Variants in HSD11B1L observed in about 807,000 individuals in gnomAD.
HSD11B1L encodes hydroxysteroid 11-beta-dehydrogenase 1-like protein.
A neutral mutation model predicts 27.0 loss-of-function variants in HSD11B1L; 22 were observed. The ratio of observed to expected loss-of-function variants is 0.81; its 90% CI spans 0.58 to 1.16. The LOEUF (loss-of-function observed/expected upper bound fraction) is 1.16, where lower values mean the gene tolerates loss of function less well. Among genes scored for constraint, HSD11B1L ranks in the 50% most tolerant of loss-of-function variants. The pLI, the probability that HSD11B1L is intolerant of heterozygous loss-of-function variation, is 0.00. For synonymous variants in HSD11B1L, 187 were observed against 189.2 expected, an observed-to-expected ratio of 0.99 and a Z score of 0.09; for missense variants, 372 against 401.8, an observed-to-expected ratio of 0.93 and a Z score of 0.63.
At position 5,686,966 on chromosome 19, in the gene HSD11B1L, C is replaced by A. The variant is rs1255661839; in HGVS notation, c.383C>A (p.Pro128His). 1 of 1,551,042 alleles carries A rather than the reference C, an allele frequency of 6.4e-7. No homozygotes were observed. Among genetic ancestry groups the A allele is most frequent in the Admixed American group, 1.9e-5 (1 of 51,474 alleles). The change falls in exon 5 of 8, where the codon CCC becomes CAC. Residue 128 changes from proline (P) to histidine (H), a missense_variant. By Grantham distance (77) the Pro-to-His change is moderately conservative. Transcript: ENST00000339423. ...GAPAGTRARSPQATRWLMQVN... is the reference protein window; with the variant it reads ...GAPAGTRARSHQATRWLMQVN... ...CCGGCCGGCACGCGAGCCCGCAGCC[C>A]CCAGGCAACTCGCTGGCTCATGCAG...
At chr19:5,682,846 CT>C (rs1228975413) in intron 1 of HSD11B1L, among the ~76,000 whole-genome samples, 2 of 123,388 alleles carry the variant, frequency 1.6e-5, no homozygotes, top group Non-Finnish European at 3.2e-5. Flanking sequence ...TAGACAGAGT[CT>C]CACTCTGTTG....
At chr19:5,682,810 C>CTTTTTT (rs5826895) in intron 1 of HSD11B1L, among the ~76,000 whole-genome samples, 1 of 95,380 alleles carries the variant, frequency 1.0e-5, no homozygotes, top group African/African-American at 4.4e-5. Context: ...GTCCCATTGA[C>CTTTTTT]TTTTTTTTTT....
At position 5,684,803 on chromosome 19, in the gene HSD11B1L, CCCTGT is replaced by C; in HGVS notation, c.-14-13_-14-9del. The C allele has an allele frequency of 6.2e-7, 1 of 1,613,452 alleles. No individual in the cohort carries two copies. Among genetic ancestry groups the C allele is most frequent in the Non-Finnish European group, 8.5e-7 (1 of 1,179,934 alleles). The stretch of plus-strand genomic sequence containing the variant: ...CAGGCCTGTGCCGGCCACCTCTGTC[CCCTGT>C]CCCTCTGCAGGCCCACACAGGACCA... On this transcript the variant is annotated splice_polypyrimidine_tract_variant and intron_variant, in intron 1 of 7. Transcript: ENST00000339423.
intron 3 of HSD11B1L, 120 bp from the exon 4 acceptor site, chr19:5,686,296 C>T: frequency 2.9e-6 from 2 of 688,546 alleles, no homozygotes; most frequent in East Asian, 2.8e-5. Flanking sequence ...TTGAATGGGT[C>T]CCGAGGCTCA....
At position 5,685,006 on chromosome 19, in the gene HSD11B1L, C is replaced by A. The variant is rs770811587; in HGVS notation, c.91C>A (p.Arg31=). ...ATGGCCAGCCAGCCTCCAGGGAGCG[C>A]GAGTGCTGCTGACAGGGGCCAACGC... ...NFDPASLQGA[R]VLLTGANAGV... is the part of the protein sequence containing the mutation. Residue 31 remains arginine, a synonymous_variant, in exon 3 of 8, where the codon CGA becomes AGA. Coordinates refer to ENST00000339423, the MANE Select transcript of HSD11B1L (RefSeq NM_198706.3). This position sits in a 1 kb window ranked among gnomAD's most constrained non-coding sequence, Gnocchi z 4.3. 1.9e-6 allele frequency: 3 copies of A among 1,599,162 alleles called. No individual in the cohort carries two copies. In the Admixed American group the frequency reaches 5.3e-5, roughly 28 times the overall value.
intron 1 of HSD11B1L, 145 bp from the exon 2 acceptor site, chr19:5,684,674 A>T: frequency 7.5e-7 from 1 of 1,339,960 alleles, no homozygotes; most frequent in Non-Finnish European, 1.0e-6. Context: ...TCATGGAGCC[A>T]CCGTGGTGGC....
intron 1 of HSD11B1L, chr19:5,683,909 TAAAAATAA>T (rs2054619555): frequency 3.3e-6 from 1 of 299,224 alleles, no homozygotes; most frequent in African/African-American, 2.2e-5. Flanking sequence ...TAAAAAAAAA[TAAAAATAA>T]AAAAATAAAT....
Position 5,685,238 on chromosome 19 carries a change from CCT to C in HSD11B1L, c.204+124_204+125del, listed in dbSNP as rs1163898573. ...GTGTGACCTTGGGCAAGTCGCCTAA[CCT>C]CTCTGAGCCTCTCAGTTTCCTCATT... On this transcript the variant is annotated intron_variant, in intron 3 of 7. Coordinates refer to ENST00000339423, the MANE Select transcript of HSD11B1L (RefSeq NM_198706.3). This position sits in a 1 kb window ranked among gnomAD's most constrained non-coding sequence, Gnocchi z 4.3. 15 of 1,260,740 alleles carry C rather than the reference CCT, an allele frequency of 1.2e-5. No homozygotes were observed. The highest frequency in any genetic ancestry group is 1.7e-5 in the Non-Finnish European group (15 of 896,300). The allele number at this position is 1,260,740 out of a possible 1,614,324, so 78.1% of individuals were successfully genotyped here.
chr19:5,684,745 C>G (rs758193395), intron 1 of HSD11B1L, 74 bp from the exon 2 acceptor site: 1 of 1,604,404 alleles, frequency 6.2e-7, no homozygotes, highest in Admixed American at 1.7e-5. Flanking sequence ...GGTGGCATCA[C>G]CAAACACCCA....
At position 5,686,413 on chromosome 19, in the gene HSD11B1L, C is replaced by A. The variant is rs771868631; in HGVS notation, c.205-3C>A. On this transcript the variant is annotated splice_polypyrimidine_tract_variant and splice_region_variant and intron_variant, in intron 3 of 7. Coordinates refer to ENST00000339423, the MANE Select transcript of HSD11B1L (RefSeq NM_198706.3). ...GCCCACGGGCAGCTCTGGCCCCCCC[C>A]AGGTGGTAGGGAACTGCCGGAAGCT... is the stretch of plus-strand genomic sequence containing the variant. 69 of 1,562,220 alleles carry A rather than the reference C, an allele frequency of 4.4e-5. No individual in the cohort carries two copies. In the Middle Eastern group the frequency reaches 5.4e-4, roughly 12 times the overall value.
rs757645780 is a variant in HSD11B1L, at chr19:5,685,404, G to C, written c.204+285G>C. ...CAGCCTGGCCAACATGGCGAAACCTGGTCTCTACTAAGAAGACAAAAATTA... is the reference window on the plus strand; with the variant it reads ...CAGCCTGGCCAACATGGCGAAACCTCGTCTCTACTAAGAAGACAAAAATTA... On this transcript the variant is annotated intron_variant, in intron 3 of 7. Coordinates refer to ENST00000339423, the MANE Select transcript of HSD11B1L (RefSeq NM_198706.3). The surrounding 1 kb of genome is among the most constrained non-coding windows in gnomAD (Gnocchi z 4.3). The C allele has an allele frequency of 2.6e-5, 14 of 536,204 alleles. No homozygotes were observed. Among genetic ancestry groups the C allele is most frequent in the Non-Finnish European group, 4.9e-5 (14 of 284,432 alleles). The allele number at this position is 536,204 out of a possible 1,614,324, so 33.2% of individuals were successfully genotyped here.
At position 5,688,178 on chromosome 19, in the gene HSD11B1L, C is replaced by T; in HGVS notation, c.*233C>T. On this transcript the variant is annotated 3_prime_UTR_variant, in exon 8 of 8. Coordinates refer to ENST00000339423, the MANE Select transcript of HSD11B1L (RefSeq NM_198706.3). ...TTGTCGGGGACTTGCAAGGCCTCAC[C>T]TGTTTGGCCATGATTGATGACGTGA... 1.3e-6 allele frequency: 2 copies of T among 1,549,856 alleles called. No individual in the cohort carries two copies. The highest frequency in any genetic ancestry group is 1.7e-6 in the Non-Finnish European group (2 of 1,146,766).
Position 5,686,975 on chromosome 19 carries a change from C to T in HSD11B1L, c.392C>T (p.Thr131Ile), listed in dbSNP as rs1410982013. Residue 131 changes from threonine (T) to isoleucine (I), a missense_variant, in exon 5 of 8, where the codon ACT becomes ATT. By Grantham distance (89) the Thr-to-Ile change is moderately conservative. Transcript: ENST00000339423. ...AGTRARSPQA[T>I]RWLMQVNFVS... Reference sequence around the variant, plus strand: ...ACGCGAGCCCGCAGCCCCCAGGCAACTCGCTGGCTCATGCAGGTGCTCCGC... The same window carrying T: ...ACGCGAGCCCGCAGCCCCCAGGCAATTCGCTGGCTCATGCAGGTGCTCCGC... 5.8e-6 allele frequency: 9 copies of T among 1,549,152 alleles called. No homozygotes were observed. The East Asian group carries it at 1.7e-4, about 29-fold the overall frequency.
At chr19:5,683,245 C>T (rs1599417617) in intron 1 of HSD11B1L, among the ~76,000 whole-genome samples, 1 of 138,968 alleles carries the variant, frequency 7.2e-6, no homozygotes, top group African/African-American at 3.3e-5. Flanking sequence ...TGGACTGTTT[C>T]TCTCTTTCAC....
chr19:5,687,856 C>T lies in HSD11B1L; in HGVS notation c.772C>T (p.Arg258Cys), dbSNP rs1018713842. The T allele has an allele frequency of 4.4e-6, 7 of 1,577,522 alleles. No homozygotes were observed. The African/African-American group carries it at 8.1e-5, about 18-fold the overall frequency. Residue 258 changes from arginine (R) to cysteine (C), a missense_variant, in exon 8 of 8, where the codon CGC becomes TGC. Coordinates refer to ENST00000339423, the MANE Select transcript of HSD11B1L (RefSeq NM_198706.3). This position sits in a 1 kb window ranked among gnomAD's most constrained non-coding sequence, Gnocchi z 6.6. ...AAGVFYPWRF[R>C]LLCLLRRWLP... ...CGGCGTCTTCTACCCGTGGCGTTTC[C>T]GCCTGCTGTGCTTGCTCCGGCGCTG...
At position 5,688,049 on chromosome 19, in the gene HSD11B1L, C is replaced by G. The variant is rs868141486; in HGVS notation, c.*104C>G. Reference sequence around the variant, plus strand: ...GACACCCCTGAGAGGGTGGCCACAGCCCAAGATGAAGTCATCAAGACAGAA... The same window carrying G: ...GACACCCCTGAGAGGGTGGCCACAGGCCAAGATGAAGTCATCAAGACAGAA... On this transcript the variant is annotated 3_prime_UTR_variant, in exon 8 of 8. Transcript: ENST00000339423. The G allele has an allele frequency of 1.0e-5, 16 of 1,551,458 alleles. No individual in the cohort carries two copies. The highest frequency in any genetic ancestry group is 1.3e-5 in the Non-Finnish European group (15 of 1,147,016).
chr19:5,683,041 C>G (rs1015748194), intron 1 of HSD11B1L, among the ~76,000 whole-genome samples: 4 of 151,716 alleles, frequency 2.6e-5, no homozygotes, highest in African/African-American at 9.7e-5. Flanking sequence ...AGGCATGTGC[C>G]AGCATGCCCA....
At position 5,685,406 on chromosome 19, in the gene HSD11B1L, T is replaced by C. The variant is rs910600839; in HGVS notation, c.204+287T>C. ...GCCTGGCCAACATGGCGAAACCTGG[T>C]CTCTACTAAGAAGACAAAAATTAGG... is the stretch of plus-strand genomic sequence containing the variant. On this transcript the variant is annotated intron_variant, in intron 3 of 7. Coordinates refer to ENST00000339423, the MANE Select transcript of HSD11B1L (RefSeq NM_198706.3). The surrounding 1 kb of genome is among the most constrained non-coding windows in gnomAD (Gnocchi z 4.3). 2 of 535,634 alleles carry C rather than the reference T, an allele frequency of 3.7e-6. No homozygotes were observed. Among genetic ancestry groups the C allele is most frequent in the Middle Eastern group, 3.9e-4 (1 of 2,538 alleles). The allele number at this position is 535,634 out of a possible 1,614,324, so 33.2% of individuals were successfully genotyped here. A position where few individuals can be genotyped will look rare whatever the true frequency, so the allele number is the denominator to read the frequency against.
At chr19:5,682,256 G>A (rs2054574155) in intron 1 of HSD11B1L, among the ~76,000 whole-genome samples, 1 of 152,296 alleles carries the variant, frequency 6.6e-6, no homozygotes, top group South Asian at 2.1e-4. Context: ...AGACGCCTTT[G>A]GCTGCATTGA....
Sources: allele counts gnomAD v4.1 joint callset (sites outside exome capture counted in the v4.1 genomes callset), GRCh38; gene constraint gnomAD v4.1.1; non-coding constraint Gnocchi (gnomAD v3.1); transcripts MANE v1.5; gene names NCBI Gene and HGNC (gene_info 2026-07-23, HGNC 2026-07-21).